Variants in SPATA6L observed in about 807,000 individuals in gnomAD.
SPATA6L encodes spermatogenesis associated 6-like protein.
In SPATA6L, 68 loss-of-function variants were observed where a neutral mutation model predicts 49.2. That is an observed-to-expected ratio of 1.38 (90% CI 1.14 to 1.69). The LOEUF is 1.69. Among genes scored for constraint, SPATA6L ranks in the 40% most tolerant of loss-of-function variants. SPATA6L has a pLI of 0.00. For missense variants in SPATA6L, 668 were observed against 464.3 expected (o/e 1.44, Z -4.03); for synonymous variants, 198 against 165.7 (o/e 1.19, Z -1.50).
intron 9 of SPATA6L, among the ~76,000 whole-genome samples, chr9:4,609,360 C>A (rs1270221214): frequency 6.6e-6 from 1 of 152,132 alleles, no homozygotes; most frequent in Non-Finnish European, 1.5e-5. Flanking sequence ...GAATTTTAGA[C>A]CAATATCCTT....
intron 3 of SPATA6L, among the ~76,000 whole-genome samples, chr9:4,654,019 A>ACACAAATGG (rs1479071302): frequency 3.3e-5 from 5 of 152,196 alleles, no homozygotes; most frequent in Non-Finnish European, 7.3e-5. Context: ...CAAAGAAAAT[A>ACACAAATGG]CACAAATGGC....
chr9:4,630,846 G>A (rs1475146317), intron 4 of SPATA6L, among the ~76,000 whole-genome samples: 3 of 152,136 alleles, frequency 2.0e-5, no homozygotes, highest in East Asian at 1.9e-4. Flanking sequence ...ATCCTGTAAG[G>A]GATGTACCAT....
intron 3 of SPATA6L, chr9:4,646,335 G>GA (rs151177632): frequency 7.0e-6 from 3 of 428,516 alleles, no homozygotes; most frequent in Non-Finnish European, 1.2e-5. Context: ...TAGATTGGCA[G>GA]AAAAAAGGCA....
chr9:4,624,231 T>C (rs1829924609), intron 6 of SPATA6L, among the ~76,000 whole-genome samples: 1 of 152,240 alleles, frequency 6.6e-6, no homozygotes, highest in Non-Finnish European at 1.5e-5. Context: ...TTTTTTAATG[T>C]AATGTTAATT....
chr9:4,597,319 TACACACACACACACACACACACAC>T (rs57570250), downstream of SPATA6L, among the ~76,000 whole-genome samples: 109 of 144,004 alleles, frequency 7.6e-4, no homozygotes, highest in African/African-American at 2.6e-3. Flanking sequence ...GAAAACAAAA[TACACACACACACACACACACACAC>T]ACACACACAC....
At chr9:4,651,465 A>C (rs1354828932) in intron 3 of SPATA6L, among the ~76,000 whole-genome samples, 1 of 152,210 alleles carries the variant, frequency 6.6e-6, no homozygotes. Flanking sequence ...TTCCAAAAAC[A>C]GAGAAGAGGA....
intron 3 of SPATA6L, 68 bp from the exon 4 acceptor site, chr9:4,635,467 C>G: frequency 2.0e-6 from 3 of 1,484,774 alleles, no homozygotes; most frequent in Non-Finnish European, 2.7e-6. Flanking sequence ...AATAAAAGTT[C>G]AGGCAGATGA....
At chr9:4,654,646 G>C (rs1279133039) in intron 3 of SPATA6L, among the ~76,000 whole-genome samples, 1 of 152,190 alleles carries the variant, frequency 6.6e-6, no homozygotes, top group Non-Finnish European at 1.5e-5. Context: ...CAGCAGATGG[G>C]GGAGCCAGCA....
rs1259618059 is a variant in SPATA6L, at chr9:4,617,922, C to T, written c.995+1G>A. The T allele has an allele frequency of 6.2e-6, 10 of 1,604,582 alleles. No individual in the cohort carries two copies. Among genetic ancestry groups the T allele is most frequent in the East Asian group, 4.5e-5 (2 of 44,574 alleles). ...CAAACAGATGGGTGCTTGCCACTGACCTTTCTCTGAGAAGGGGCTGATCCA... is the reference window on the plus strand; with the variant it reads ...CAAACAGATGGGTGCTTGCCACTGATCTTTCTCTGAGAAGGGGCTGATCCA... On this transcript the variant is annotated splice_donor_variant, in intron 9 of 11. Coordinates refer to ENST00000682582, the MANE Select transcript of SPATA6L (RefSeq NM_001353486.2). LOFTEE classifies it high-confidence loss of function.
chr9:4,635,517 C>T, intron 3 of SPATA6L, 118 bp from the exon 4 acceptor site: 3 of 972,206 alleles, frequency 3.1e-6, no homozygotes, highest in East Asian at 3.1e-5. Flanking sequence ...ACATATTGAT[C>T]CTAGCACATG....
intron 9 of SPATA6L, among the ~76,000 whole-genome samples, chr9:4,615,665 C>A (rs1024478489): frequency 6.6e-6 from 1 of 152,210 alleles, no homozygotes; most frequent in Non-Finnish European, 1.5e-5. Flanking sequence ...CTGTTAGGTA[C>A]CTACCACAAT....
intron 3 of SPATA6L, among the ~76,000 whole-genome samples, chr9:4,652,125 A>G (rs536135305): frequency 6.6e-6 from 1 of 152,372 alleles, no homozygotes; most frequent in South Asian, 2.1e-4. Context: ...ATCAGTATAT[A>G]AAAATCAATT....
downstream of SPATA6L, among the ~76,000 whole-genome samples, chr9:4,597,758 C>T (rs68128353): frequency 0.044 from 6,630 of 152,210 alleles, 195 homozygotes; most frequent in Non-Finnish European, 0.065. Flanking sequence ...CCTGCAGGTC[C>T]GCTAAGTAGT....
downstream of SPATA6L, among the ~76,000 whole-genome samples, chr9:4,594,964 A>G (rs1318261826): frequency 6.6e-6 from 1 of 152,100 alleles, no homozygotes; most frequent in African/African-American, 2.4e-5. Context: ...TCCCTATTCT[A>G]TCTCCCTGGC....
chr9:4,650,316 A>T (rs1232599233), intron 3 of SPATA6L, among the ~76,000 whole-genome samples: 1 of 152,144 alleles, frequency 6.6e-6, no homozygotes, highest in Non-Finnish European at 1.5e-5. Flanking sequence ...TAATTCTTTC[A>T]ACTGAGTAAC....
intron 4 of SPATA6L, among the ~76,000 whole-genome samples, chr9:4,629,436 A>G (rs1831020093): frequency 6.6e-6 from 1 of 152,054 alleles, no homozygotes; most frequent in Non-Finnish European, 1.5e-5. Context: ...GTATCTCCTC[A>G]ACTAAGACAC....
rs118007582 is a variant in SPATA6L at position 4,639,850 on chromosome 9, G to A, written c.227-4451C>T. ...TGTCAGAATTGACAGCGCGCTTCCA[G>A]ATGCAGGATCACATTTGATTCCCTC... is the stretch of plus-strand genomic sequence containing the variant. On this transcript the variant is annotated intron_variant, in intron 3 of 11. Coordinates refer to ENST00000682582, the MANE Select transcript of SPATA6L (RefSeq NM_001353486.2). Among the ~76,000 whole-genome samples, 54 of 152,338 alleles carry A rather than the reference G, an allele frequency of 3.5e-4. 1 individual carries two copies. In the East Asian group the frequency reaches 0.01, roughly 29 times the overall value.
intron 3 of SPATA6L, among the ~76,000 whole-genome samples, chr9:4,642,806 G>A (rs1834322631): frequency 6.6e-6 from 1 of 151,710 alleles, no homozygotes; most frequent in Non-Finnish European, 1.5e-5. Context: ...TTAAAAATAA[G>A]AATTTATAAC....
At chr9:4,636,367 T>C (rs972951554) in intron 3 of SPATA6L, among the ~76,000 whole-genome samples, 48 of 152,212 alleles carry the variant, frequency 3.2e-4, no homozygotes, top group African/African-American at 1.1e-3. Flanking sequence ...TTGTATAAGT[T>C]GATTATATTA....
Sources: allele counts gnomAD v4.1 joint callset (sites outside exome capture counted in the v4.1 genomes callset), GRCh38; gene constraint gnomAD v4.1.1; transcripts MANE v1.5; gene names NCBI Gene and HGNC (gene_info 2026-07-23, HGNC 2026-07-21).